Variants in RIN2 observed in about 807,000 individuals in gnomAD.
RIN2 encodes Ras and Rab interactor 2.
A neutral mutation model predicts 78.0 loss-of-function variants in RIN2; 36 were observed. The observed-to-expected ratio is 0.46, with a 90% CI of 0.35 to 0.61. RIN2 has a LOEUF of 0.61. Ranked by LOEUF, RIN2 falls within the 20% of genes least tolerant of loss-of-function variation. The pLI is 0.00. For synonymous variants in RIN2, 466 were observed against 466.8 expected, an observed-to-expected ratio of 1.00 and a Z score of 0.02; for missense variants, 1,087 against 1,159.7, an observed-to-expected ratio of 0.94 and a Z score of 0.91.
At chr20:19,958,978 C>T (rs765898758) in intron 5 of RIN2, among the ~76,000 whole-genome samples, 2 of 152,196 alleles carry the variant, frequency 1.3e-5, no homozygotes, top group Non-Finnish European at 2.9e-5. Flanking sequence ...GTGAAGTGGG[C>T]TCTTGGGGTG....
Position 19,975,905 on chromosome 20 carries a change from C to T in RIN2, c.1762+118C>T, listed in dbSNP as rs955693438. 3.2e-6 allele frequency: 3 copies of T among 947,104 alleles called. No homozygotes were observed. Among genetic ancestry groups the T allele is most frequent in the East Asian group, 2.6e-5 (1 of 38,110 alleles). The allele number at this position is 947,104 out of a possible 1,614,324, so 58.7% of individuals were successfully genotyped here. On this transcript the variant is annotated intron_variant, in intron 9 of 12. Coordinates refer to ENST00000255006, the MANE Select transcript of RIN2 (RefSeq NM_018993.4). The surrounding 1 kb of genome is among the most constrained non-coding windows in gnomAD (Gnocchi z 4.9). Reference sequence around the variant, plus strand: ...AAGTTCAAAACAACACCCAGCTCCACCTTCTCTCCCGGTTTGAATGGAAAA... The same window carrying T: ...AAGTTCAAAACAACACCCAGCTCCATCTTCTCTCCCGGTTTGAATGGAAAA...
intron 2 of RIN2, among the ~76,000 whole-genome samples, chr20:19,873,293 T>C (rs2037747808): frequency 1.3e-5 from 2 of 152,006 alleles, no homozygotes; most frequent in Non-Finnish European, 2.9e-5. Flanking sequence ...CTTGGCTAAT[T>C]TTTTAAAGTT....
At chr20:19,909,091 T>C (rs2039349867) in intron 3 of RIN2, among the ~76,000 whole-genome samples, 1 of 152,310 alleles carries the variant, frequency 6.6e-6, no homozygotes, top group East Asian at 1.9e-4. Flanking sequence ...CTCAAACTCC[T>C]GACGTCAGGT....
intron 4 of RIN2, among the ~76,000 whole-genome samples, chr20:19,952,976 A>C (rs976617353): frequency 7.2e-5 from 11 of 152,124 alleles, no homozygotes; most frequent in Admixed American, 1.3e-4. Flanking sequence ...TAGAAATGCA[A>C]TGTCTCTGGC....
At chr20:19,980,547 A>AT (rs2042415555) in intron 9 of RIN2, among the ~76,000 whole-genome samples, 1 of 152,176 alleles carries the variant, frequency 6.6e-6, no homozygotes, top group Non-Finnish European at 1.5e-5. Context: ...GCTCCAGAGT[A>AT]TTTTTTGACC....
chr20:19,991,006 C>T (rs73901369), intron 10 of RIN2, among the ~76,000 whole-genome samples: 7 of 152,066 alleles, frequency 4.6e-5, no homozygotes, highest in African/African-American at 1.2e-4. Flanking sequence ...ACCATGAATC[C>T]TGGATAGTAA....
At chr20:19,948,760 GC>G (rs1250257613) in intron 4 of RIN2, among the ~76,000 whole-genome samples, 2 of 152,136 alleles carry the variant, frequency 1.3e-5, no homozygotes, top group Non-Finnish European at 2.9e-5. Context: ...TTGGAAGTAT[GC>G]CCCAGACAAA....
intron 8 of RIN2, 28 bp from the exon 9 acceptor site, chr20:19,974,626 T>A: frequency 6.3e-7 from 1 of 1,598,968 alleles, no homozygotes; most frequent in Non-Finnish European, 8.5e-7. Flanking sequence ...GTATTTACAT[T>A]CTTGTGTTCA....
At chr20:19,801,586 G>T (rs1427480843) in intron 2 of RIN2, among the ~76,000 whole-genome samples, 1 of 152,220 alleles carries the variant, frequency 6.6e-6, no homozygotes. Flanking sequence ...CTCCCAAAGT[G>T]CTGGGATTAC....
chr20:19,961,412 G>A (rs990671743), intron 6 of RIN2, among the ~76,000 whole-genome samples: 1 of 152,152 alleles, frequency 6.6e-6, no homozygotes, highest in Non-Finnish European at 1.5e-5. Flanking sequence ...AGTGTCGGGA[G>A]GCCAAATTTT....
At chr20:19,779,486 G>A (rs942971916) in intron 1 of RIN2, among the ~76,000 whole-genome samples, 2 of 152,128 alleles carry the variant, frequency 1.3e-5, no homozygotes, top group Non-Finnish European at 2.9e-5. Context: ...CCTCAGCGGG[G>A]TATAGCTAAC....
chr20:19,802,296 C>T (rs746098870), intron 2 of RIN2, among the ~76,000 whole-genome samples: 4 of 152,046 alleles, frequency 2.6e-5, no homozygotes, highest in African/African-American at 7.2e-5. Flanking sequence ...CCGAGCACCC[C>T]GTGCTTAGGT....
At chr20:19,960,945 T>G (rs1374190365) in intron 6 of RIN2, 134 bp downstream of exon 6, 1 of 612,506 alleles carries the variant, frequency 1.6e-6, no homozygotes, top group East Asian at 2.8e-5. Flanking sequence ...ACTAGGCAGA[T>G]AACCTACTCC....
chr20:19,853,865 C>T (rs1377989218), intron 2 of RIN2, among the ~76,000 whole-genome samples: 1 of 152,138 alleles, frequency 6.6e-6, no homozygotes, highest in African/African-American at 2.4e-5. Context: ...TTTTGCTGTG[C>T]AGAAGCTCTT....
At chr20:19,935,288 AG>A (rs2040594791) in intron 4 of RIN2, 89 bp downstream of exon 4, 17 of 1,326,334 alleles carry the variant, frequency 1.3e-5, no homozygotes, top group Non-Finnish European at 1.7e-5. Flanking sequence ...GTCACTCCTC[AG>A]AAGTCTGGGA....
At chr20:19,884,582 A>G (rs1399156068) in intron 2 of RIN2, among the ~76,000 whole-genome samples, 1 of 152,316 alleles carries the variant, frequency 6.6e-6, no homozygotes, top group African/African-American at 2.4e-5. Flanking sequence ...TTTTAAAATG[A>G]CTGTTGGGTG....
chr20:19,896,309 C>T (rs1600723704), intron 3 of RIN2, among the ~76,000 whole-genome samples: 1 of 152,152 alleles, frequency 6.6e-6, no homozygotes, highest in Non-Finnish European at 1.5e-5. Context: ...CTGCCTCAGC[C>T]TCCCAAGTAG....
At chr20:19,845,467 C>T (rs2036750062) in intron 2 of RIN2, among the ~76,000 whole-genome samples, 1 of 152,132 alleles carries the variant, frequency 6.6e-6, no homozygotes, top group South Asian at 2.1e-4. Flanking sequence ...TTTTGATTTG[C>T]ATCTCTCTTA....
At chr20:19,908,217 C>T (rs968571085) in intron 3 of RIN2, among the ~76,000 whole-genome samples, 3 of 152,124 alleles carry the variant, frequency 2.0e-5, no homozygotes, top group African/African-American at 4.8e-5. Context: ...ATCGGCCAGG[C>T]GCGGTGGCTC....
Sources: allele counts gnomAD v4.1 joint callset (sites outside exome capture counted in the v4.1 genomes callset), GRCh38; gene constraint gnomAD v4.1.1; non-coding constraint Gnocchi (gnomAD v3.1); transcripts MANE v1.5; gene names NCBI Gene and HGNC (gene_info 2026-07-23, HGNC 2026-07-21).